Variants in GUCY1A2 observed in about 807,000 individuals in gnomAD.
GUCY1A2 encodes guanylate cyclase soluble subunit alpha-2.
In GUCY1A2, 27 loss-of-function variants were observed where a neutral mutation model predicts 63.5. The observed-to-expected ratio is 0.43, with a 90% CI of 0.31 to 0.59. The LOEUF (loss-of-function observed/expected upper bound fraction) is 0.59. GUCY1A2 is among the 20% of genes least tolerant of loss of function. GUCY1A2 has a pLI of 0.11. For missense variants in GUCY1A2, 768 were observed against 913.3 expected, an observed-to-expected ratio of 0.84 and a Z score of 2.05; for synonymous variants, 364 against 343.5, an observed-to-expected ratio of 1.06 and a Z score of -0.66.
intron 4 of GUCY1A2, among the ~76,000 whole-genome samples, chr11:106,928,397 T>C (rs112775338): frequency 6.7e-4 from 102 of 151,968 alleles, no homozygotes; most frequent in South Asian, 1.7e-3. Context: ...ATTCTTGACC[T>C]CTCCTTCAAA....
chr11:106,938,684 ACATT>A (rs1205665365), intron 4 of GUCY1A2, among the ~76,000 whole-genome samples: 1 of 152,210 alleles, frequency 6.6e-6, no homozygotes, highest in Non-Finnish European at 1.5e-5. Context: ...ATTTTTCTTT[ACATT>A]TTATTATCTA....
intron 6 of GUCY1A2, among the ~76,000 whole-genome samples, chr11:106,760,500 C>T (rs961337167): frequency 6.6e-6 from 1 of 152,062 alleles, no homozygotes; most frequent in African/African-American, 2.4e-5. Flanking sequence ...TAGTTTTTCA[C>T]TTTTTAATAC....
chr11:106,756,161 G>A (rs972212440), intron 6 of GUCY1A2, among the ~76,000 whole-genome samples: 14 of 152,102 alleles, frequency 9.2e-5, no homozygotes, highest in Non-Finnish European at 1.8e-4. Flanking sequence ...CAGAGACTAG[G>A]ATTGCAACCC....
intron 6 of GUCY1A2, among the ~76,000 whole-genome samples, chr11:106,724,354 T>C (rs1304580647): frequency 6.6e-6 from 1 of 152,214 alleles, no homozygotes; most frequent in Non-Finnish European, 1.5e-5. Context: ...TAAGGAACTT[T>C]TGTTGACCTG....
chr11:106,734,993 T>A (rs894525434), intron 6 of GUCY1A2, among the ~76,000 whole-genome samples: 1 of 152,182 alleles, frequency 6.6e-6, no homozygotes, highest in African/African-American at 2.4e-5. Flanking sequence ...TTTATTTTTT[T>A]AATTTTTTAT....
intron 4 of GUCY1A2, among the ~76,000 whole-genome samples, chr11:106,873,946 G>A (rs974489480): frequency 2.6e-5 from 4 of 152,000 alleles, no homozygotes; most frequent in East Asian, 1.9e-4. Flanking sequence ...TCTGCCTAGC[G>A]TGCTCTTTGT....
chr11:106,847,458 C>CTAT (rs1285680579), intron 4 of GUCY1A2, among the ~76,000 whole-genome samples: 1 of 151,042 alleles, frequency 6.6e-6, no homozygotes, highest in Admixed American at 6.6e-5. Flanking sequence ...CTAATCATTG[C>CTAT]TATTATTATT....
intron 1 of GUCY1A2, among the ~76,000 whole-genome samples, chr11:107,004,521 G>A (rs964057429): frequency 5.3e-5 from 8 of 151,958 alleles, no homozygotes; most frequent in Non-Finnish European, 7.4e-5. Context: ...CATCAATAAA[G>A]TTATATAAAG....
At chr11:106,963,039 T>G (rs1291382309) in intron 3 of GUCY1A2, among the ~76,000 whole-genome samples, 2 of 152,144 alleles carry the variant, frequency 1.3e-5, no homozygotes, top group African/African-American at 4.8e-5. Flanking sequence ...ATGTCCTGCT[T>G]TAAGTGAAGA....
At chr11:106,913,986 C>CAAAAAA (rs11325847) in intron 4 of GUCY1A2, among the ~76,000 whole-genome samples, 7 of 71,250 alleles carry the variant, frequency 9.8e-5, no homozygotes, top group South Asian at 5.5e-4. Flanking sequence ...AATGAAAAAG[C>CAAAAAA]AAAAAAAAAA....
chr11:106,863,136 T>C (rs1031988091), intron 4 of GUCY1A2, among the ~76,000 whole-genome samples: 1 of 152,158 alleles, frequency 6.6e-6, no homozygotes, highest in Non-Finnish European at 1.5e-5. Flanking sequence ...AGAAGCTCTT[T>C]AGTTTAATTA....
At chr11:106,877,741 A>G (rs191672187) in intron 4 of GUCY1A2, among the ~76,000 whole-genome samples, 6 of 152,100 alleles carry the variant, frequency 3.9e-5, no homozygotes, top group Admixed American at 3.3e-4. Context: ...TGAAGATGTC[A>G]AAAGCAATTT....
At chr11:106,977,886 A>T (rs1304540655) in intron 3 of GUCY1A2, among the ~76,000 whole-genome samples, 4 of 151,992 alleles carry the variant, frequency 2.6e-5, no homozygotes, top group Admixed American at 6.6e-5. Flanking sequence ...TTAAAGAGAA[A>T]TTTCTCACTA....
intron 5 of GUCY1A2, among the ~76,000 whole-genome samples, chr11:106,798,070 G>T (rs1487782373): frequency 6.6e-6 from 1 of 151,602 alleles, no homozygotes; most frequent in South Asian, 2.1e-4. Flanking sequence ...ACGCAATAAT[G>T]ATAAAGGGGA....
intron 6 of GUCY1A2, among the ~76,000 whole-genome samples, chr11:106,767,789 G>A (rs984358987): frequency 1.3e-5 from 2 of 152,036 alleles, no homozygotes; most frequent in African/African-American, 4.8e-5. Flanking sequence ...AATGTGCTCA[G>A]TAAGTAGATC....
chr11:106,810,519 T>C, intron 4 of GUCY1A2, 41 bp from the exon 5 acceptor site: 3 of 1,500,868 alleles, frequency 2.0e-6, no homozygotes, highest in South Asian at 1.3e-5. Context: ...ACTCTTCACA[T>C]AGTAGGTTCA....
chr11:106,691,480 G>A (rs67454068), intron 7 of GUCY1A2, among the ~76,000 whole-genome samples: 34,995 of 151,990 alleles, frequency 0.23, 4,287 homozygotes, highest in African/African-American at 0.31. Flanking sequence ...CAAATGTATC[G>A]TTTACAGTTT....
At chr11:106,775,344 T>C (rs1025851145) in intron 6 of GUCY1A2, among the ~76,000 whole-genome samples, 6 of 152,192 alleles carry the variant, frequency 3.9e-5, no homozygotes, top group African/African-American at 1.4e-4. Context: ...ACCTTATTTT[T>C]ACAACACATG....
intron 4 of GUCY1A2, among the ~76,000 whole-genome samples, chr11:106,889,798 T>C (rs1004939328): frequency 6.6e-6 from 1 of 152,298 alleles, no homozygotes; most frequent in East Asian, 1.9e-4. Context: ...CTGAAGCCTA[T>C]ATTACAACCA....
Sources: allele counts gnomAD v4.1 joint callset (sites outside exome capture counted in the v4.1 genomes callset), GRCh38; gene constraint gnomAD v4.1.1; transcripts MANE v1.5; gene names NCBI Gene and HGNC (gene_info 2026-07-23, HGNC 2026-07-21).